The following IPO11 variants were observed in gnomAD, a reference collection of about 807,000 sequenced individuals.
IPO11 encodes importin-11.
In IPO11, 66 loss-of-function variants were observed where a neutral mutation model predicts 143.2. The ratio of observed to expected loss-of-function variants is 0.46; its 90% CI spans 0.38 to 0.57. The LOEUF (loss-of-function observed/expected upper bound fraction) is 0.57. Ranked by LOEUF, IPO11 falls within the 20% of genes least tolerant of loss-of-function variation. IPO11 has a pLI of 0.00. For missense variants in IPO11, 1,026 were observed against 1,141.0 expected, an observed-to-expected ratio of 0.90 and a Z score of 1.45; for synonymous variants, 385 against 377.8, an observed-to-expected ratio of 1.02 and a Z score of -0.22.
intron 2 of IPO11, among the ~76,000 whole-genome samples, chr5:62,440,035 T>G (rs1420727166): frequency 3.3e-5 from 5 of 152,338 alleles, no homozygotes; most frequent in African/African-American, 1.2e-4. Flanking sequence ...CCCACATTAC[T>G]TCCATTCGTT....
At chr5:62,547,705 T>A (rs777465780) in intron 24 of IPO11, among the ~76,000 whole-genome samples, 21 of 152,116 alleles carry the variant, frequency 1.4e-4, no homozygotes, top group Non-Finnish European at 2.5e-4. Context: ...ATTTAATCCT[T>A]ACATTAATTC....
chr5:62,579,335 GTAT>G, intron 27 of IPO11: 1 of 992,112 alleles, frequency 1.0e-6, no homozygotes, highest in African/African-American at 1.6e-5. Context: ...AGAAGTTATA[GTAT>G]TATAAAAAAA....
chr5:62,619,903 A>T (rs1461136075), intron 29 of IPO11, among the ~76,000 whole-genome samples: 1 of 152,110 alleles, frequency 6.6e-6, no homozygotes, highest in African/African-American at 2.4e-5. Context: ...GATAGTGAAT[A>T]TTCTAAATGC....
chr5:62,441,645 G>A (rs1744484284), intron 2 of IPO11, among the ~76,000 whole-genome samples: 1 of 150,674 alleles, frequency 6.6e-6, no homozygotes, highest in Non-Finnish European at 1.5e-5. Context: ...CCTACTAGCA[G>A]CTGGGATTAT....
intron 29 of IPO11, among the ~76,000 whole-genome samples, chr5:62,602,300 C>T (rs986047415): frequency 6.6e-6 from 1 of 151,728 alleles, no homozygotes; most frequent in Non-Finnish European, 1.5e-5. Context: ...TAATTCTCAC[C>T]AGAGGAATCT....
At chr5:62,544,752 A>G (rs1325322372) in intron 24 of IPO11, among the ~76,000 whole-genome samples, 1 of 152,132 alleles carries the variant, frequency 6.6e-6, no homozygotes, top group Non-Finnish European at 1.5e-5. Flanking sequence ...CTTCAGCAAA[A>G]TCTCAGGATA....
At chr5:62,501,536 T>G (rs1741348317) in intron 16 of IPO11, among the ~76,000 whole-genome samples, 1 of 152,120 alleles carries the variant, frequency 6.6e-6, no homozygotes, top group Non-Finnish European at 1.5e-5. Flanking sequence ...GGAGATGAAT[T>G]TATTTATTTA....
At chr5:62,550,286 T>C (rs943416344) in intron 24 of IPO11, 81 bp from the exon 25 acceptor site, 1 of 1,046,648 alleles carries the variant, frequency 9.6e-7, no homozygotes, top group African/African-American at 1.6e-5. Context: ...ATACTTATTT[T>C]AGTACATTGT....
chr5:62,539,770 A>T (rs1260819124), intron 24 of IPO11, among the ~76,000 whole-genome samples: 1 of 152,238 alleles, frequency 6.6e-6, no homozygotes, highest in Non-Finnish European at 1.5e-5. Context: ...TATTGCATTT[A>T]TGCCTTTATT....
intron 19 of IPO11, among the ~76,000 whole-genome samples, chr5:62,507,307 G>T (rs1217545595): frequency 4.6e-5 from 7 of 152,130 alleles, no homozygotes; most frequent in Non-Finnish European, 8.8e-5. Context: ...ACAGATCTGG[G>T]TACTGGTGTC....
At chr5:62,529,054 A>G (rs967705913) in intron 21 of IPO11, among the ~76,000 whole-genome samples, 1 of 152,040 alleles carries the variant, frequency 6.6e-6, no homozygotes, top group Non-Finnish European at 1.5e-5. Flanking sequence ...TCTTATGTTT[A>G]TTATCTTATT....
rs1744147112 is a variant in IPO11, at chr5:62,435,128, A to ATATATATGTATATATGTATATATATG, written c.-6-2123_-6-2122insATGTATATATGTATATATGTATATAT. Among the ~76,000 whole-genome samples the ATATATATGTATATATGTATATATATG allele has an allele frequency of 5.7e-4, 49 of 86,180 alleles. 3 individuals carry two copies. The highest frequency in any genetic ancestry group is 2.4e-3 in the African/African-American group (44 of 18,712). The allele number at this position is 86,180 out of a possible 152,430, so 56.5% of individuals were successfully genotyped here. ...TATATATGTATATATGTATATATGT[A>ATATATATGTATATATGTATATATATG]TATATATGTATATATGTATATATGT... On this transcript the variant is annotated intron_variant, in intron 1 of 29. Transcript: ENST00000325324.
intron 3 of IPO11, among the ~76,000 whole-genome samples, chr5:62,444,108 T>TC (rs1744617029): frequency 6.6e-6 from 1 of 151,770 alleles, no homozygotes; most frequent in African/African-American, 2.4e-5. Flanking sequence ...TTTTTTTTTT[T>TC]TTTTTGAGAC....
At chr5:62,425,049 T>G (rs1359903122) in intron 1 of IPO11, among the ~76,000 whole-genome samples, 1 of 152,142 alleles carries the variant, frequency 6.6e-6, no homozygotes, top group Non-Finnish European at 1.5e-5. Flanking sequence ...AGGTGAGGTT[T>G]TTGTTTTTGT....
chr5:62,475,752 A>G (rs1745935405), intron 8 of IPO11, among the ~76,000 whole-genome samples: 2 of 152,162 alleles, frequency 1.3e-5, no homozygotes, highest in African/African-American at 4.8e-5. Context: ...ATTAACCTCC[A>G]CTGGCTTATC....
intron 20 of IPO11, among the ~76,000 whole-genome samples, chr5:62,525,179 C>T (rs1403801076): frequency 6.6e-6 from 1 of 152,108 alleles, no homozygotes; most frequent in Admixed American, 6.6e-5. Context: ...TTTCCTGTAT[C>T]TAAGAAGCAT....
intron 16 of IPO11, among the ~76,000 whole-genome samples, chr5:62,495,645 G>A (rs26623): frequency 0.68 from 103,785 of 151,778 alleles, 35,771 homozygotes; most frequent in African/African-American, 0.75. Context: ...TGATTTTTCT[G>A]TTTTTTGTAG....
intron 5 of IPO11, among the ~76,000 whole-genome samples, chr5:62,460,828 A>G (rs1745331794): frequency 6.6e-6 from 1 of 151,896 alleles, no homozygotes; most frequent in African/African-American, 2.4e-5. Context: ...AATCACATGT[A>G]GAAAAAAATA....
intron 26 of IPO11, among the ~76,000 whole-genome samples, chr5:62,559,308 AGAG>A: frequency 6.6e-6 from 1 of 152,270 alleles, no homozygotes; most frequent in South Asian, 2.1e-4. Flanking sequence ...GAAAAATAAA[AGAG>A]GATTGAAGCA....
Sources: allele counts gnomAD v4.1 joint callset (sites outside exome capture counted in the v4.1 genomes callset), GRCh38; gene constraint gnomAD v4.1.1; transcripts MANE v1.5; gene names NCBI Gene and HGNC (gene_info 2026-07-23, HGNC 2026-07-21).